PRKDC: variants seen among roughly 807,000 people sequenced by gnomAD.
PRKDC encodes protein kinase, DNA-activated, catalytic subunit, also known as DNA-dependent protein kinase catalytic subunit.
PRKDC carries 82 observed loss-of-function variants against 486.9 expected under a neutral mutation model. That is an observed-to-expected ratio of 0.17 (90% CI 0.14 to 0.20). PRKDC has a LOEUF of 0.20. PRKDC is among the 10% of genes least tolerant of loss of function. PRKDC has a pLI of 1.00. For missense variants in PRKDC, 4,504 were observed against 5,038.2 expected, an observed-to-expected ratio of 0.89 and a Z score of 3.21; for synonymous variants, 1,895 against 1,837.0, an observed-to-expected ratio of 1.03 and a Z score of -0.81.
intron 38 of PRKDC, among the ~76,000 whole-genome samples, chr8:47,880,037 C>T (rs1047476983): frequency 2.0e-5 from 3 of 151,966 alleles, no homozygotes; most frequent in South Asian, 4.2e-4. Context: ...TTCATAGAGA[C>T]GGGGTTTTGC....
At position 47,948,267 on chromosome 8, in the gene PRKDC, G is replaced by A. The variant is rs1267302449; in HGVS notation, c.722-4238C>T. 2.7e-5 allele frequency among the ~76,000 whole-genome samples: 4 copies of A among 150,726 alleles called. No homozygotes were observed. In the East Asian group the frequency reaches 7.8e-4, roughly 30 times the overall value. On this transcript the variant is annotated intron_variant, in intron 7 of 85. Transcript: ENST00000314191. The stretch of plus-strand genomic sequence containing the variant: ...CAAGATTACAGGCATGTGCCACCAT[G>A]CCCAGCTAATTTTTGTATTTTTAGT...
Position 47,888,646 on chromosome 8 carries a change from C to G in PRKDC, c.4285G>C (p.Glu1429Gln), listed in dbSNP as rs762277868. ...TACAAGTTGACGGCACAAAGCTCCT[C>G]AATGCTGGCCATGTGACAAAACAGT... ...LREKITAQSIEELCAVNLYGP... is the reference protein window; with the variant it reads ...LREKITAQSIQELCAVNLYGP... The change falls in exon 34 of 86, where the codon GAG becomes CAG. Residue 1429 changes from glutamate (E) to glutamine (Q), a missense_variant. Physicochemically the swap from Glu to Gln is conservative, Grantham distance 29. This residue lies in a region of PRKDC where 1,969 missense variants were observed against 2,068.9 expected (regional missense o/e 0.95). Transcript: ENST00000314191. 4 of 1,577,880 alleles carry G rather than the reference C, an allele frequency of 2.5e-6. No homozygotes were observed. The highest frequency in any genetic ancestry group is 3.4e-6 in the Non-Finnish European group (4 of 1,163,288).
At chr8:47,935,407 A>G (rs757681629) in intron 13 of PRKDC, among the ~76,000 whole-genome samples, 1 of 151,960 alleles carries the variant, frequency 6.6e-6, no homozygotes, top group African/African-American at 2.4e-5. Flanking sequence ...AGCTGAGGCA[A>G]GAGAATCGCT....
At chr8:47,811,995 AC>A (rs1386870216) in intron 68 of PRKDC, among the ~76,000 whole-genome samples, 1 of 152,110 alleles carries the variant, frequency 6.6e-6, no homozygotes, top group Non-Finnish European at 1.5e-5. Flanking sequence ...AAGTATTTCC[AC>A]CGTGGCATGT....
At chr8:47,850,792 G>C (rs915716866) in intron 52 of PRKDC, among the ~76,000 whole-genome samples, 1 of 152,190 alleles carries the variant, frequency 6.6e-6, no homozygotes, top group Non-Finnish European at 1.5e-5. Flanking sequence ...TGGGAAGAGT[G>C]CGAGCCTCTC....
At position 47,933,912 on chromosome 8, in the gene PRKDC, G is replaced by A. The variant is rs2090301605; in HGVS notation, c.1623+53C>T. On this transcript the variant is annotated intron_variant, in intron 15 of 85. Transcript: ENST00000314191. Reference sequence around the variant, plus strand: ...AAATAAGTCTTATGTCTAAACTATGGAGACTAATAAAGGAAGTAAGGTACA... The same window carrying A: ...AAATAAGTCTTATGTCTAAACTATGAAGACTAATAAAGGAAGTAAGGTACA... 2.0e-6 allele frequency: 3 copies of A among 1,529,980 alleles called. No individual in the cohort carries two copies. The South Asian group carries it at 3.7e-5, about 19-fold the overall frequency. 94.8% of individuals were successfully genotyped at this position (1,529,980 alleles called of 1,614,324 possible). A position where few individuals can be genotyped will look rare whatever the true frequency, so the allele number is the denominator to read the frequency against.
Position 47,927,329 on chromosome 8 carries a change from A to T in PRKDC, c.2284T>A (p.Tyr762Asn), listed in dbSNP as rs528896578. The part of the protein sequence containing the change: ...LQMAFKLGLS[Y>N]TPLAEVGLNA... ...AGGCCTACTTCTGCCAAGGGGGTATAGCTCAGGCCCAGTTTGAAAGCCATC... is the reference window on the plus strand; with the variant it reads ...AGGCCTACTTCTGCCAAGGGGGTATTGCTCAGGCCCAGTTTGAAAGCCATC... Residue 762 changes from tyrosine (Y) to asparagine (N), a missense_variant, in exon 21 of 86, where the codon TAT becomes AAT. Physicochemically the swap from Tyr to Asn is moderately radical, Grantham distance 143 (BLOSUM62 -2). This residue lies in a region of PRKDC where 1,969 missense variants were observed against 2,068.9 expected (regional missense o/e 0.95). Coordinates refer to ENST00000314191, the MANE Select transcript of PRKDC (RefSeq NM_006904.7). The T allele has an allele frequency of 1.9e-6, 3 of 1,613,252 alleles. No homozygotes were observed. The highest frequency in any genetic ancestry group is 2.2e-5 in the East Asian group (1 of 44,856).
At chr8:47,805,410 T>C (rs773595050) in intron 69 of PRKDC, among the ~76,000 whole-genome samples, 13 of 152,230 alleles carry the variant, frequency 8.5e-5, no homozygotes, top group East Asian at 7.7e-4. Context: ...CATGAGCTGG[T>C]TGGCCATTTG....
chr8:47,880,368 C>A (rs536570238), intron 38 of PRKDC, among the ~76,000 whole-genome samples: 2 of 152,316 alleles, frequency 1.3e-5, no homozygotes, highest in South Asian at 4.1e-4. Flanking sequence ...GAACTTCATA[C>A]TGAGCTTAAC....
Position 47,889,106 on chromosome 8 carries a change from A to G in PRKDC, c.4188T>C (p.Pro1396=). The change falls in exon 33 of 86, where the codon CCT becomes CCC. Residue 1396 remains proline, a synonymous_variant. Coordinates refer to ENST00000314191, the MANE Select transcript of PRKDC (RefSeq NM_006904.7). ...IGDVQVMAHL[P]DVCVNLMKAL... ...CTTTCATCAGATTCACACAAACATC[A>G]GGAAGATGAGCCATAACCTGGACGT... 1 of 1,614,022 alleles carries G rather than the reference A, an allele frequency of 6.2e-7. No homozygotes were observed. The highest frequency in any genetic ancestry group is 1.1e-5 in the South Asian group (1 of 91,082).
intron 42 of PRKDC, among the ~76,000 whole-genome samples, 150 bp downstream of exon 42, chr8:47,863,245 CTAAT>C (rs2088718661): frequency 1.3e-5 from 2 of 151,998 alleles, no homozygotes; most frequent in South Asian, 2.1e-4. Flanking sequence ...AATTAACGCC[CTAAT>C]TAAAGTTCAC....
chr8:47,865,701 T>C (rs1286792195), intron 40 of PRKDC, among the ~76,000 whole-genome samples: 1 of 152,068 alleles, frequency 6.6e-6, no homozygotes, highest in Non-Finnish European at 1.5e-5. Flanking sequence ...AAAAAGACTA[T>C]AGGACACTAC....
chr8:47,789,638 C>T (rs1281302533), intron 74 of PRKDC, among the ~76,000 whole-genome samples: 1 of 152,130 alleles, frequency 6.6e-6, no homozygotes, highest in African/African-American at 2.4e-5. Flanking sequence ...CCCTGATGAA[C>T]ATTAATGCAA....
At position 47,943,316 on chromosome 8, in the gene PRKDC, G is replaced by C. The variant is rs2090476640; in HGVS notation, c.859C>G (p.Leu287Val). ...LHASQFSTCL[L>V]DNYVSLFEVL... ...TCAAATAGAGACACGTAGTTGTCCA[G>C]AAGGCAGGTGCTAAACTGAGATGCA... is the stretch of plus-strand genomic sequence containing the variant. Residue 287 changes from leucine (L) to valine (V), a missense_variant, in exon 10 of 86, where the codon CTG (leucine) becomes GTG (valine). Leu to Val is a conservative substitution (Grantham distance 32, BLOSUM62 1). This residue lies in a region of PRKDC where 1,969 missense variants were observed against 2,068.9 expected (regional missense o/e 0.95). Coordinates refer to ENST00000314191, the MANE Select transcript of PRKDC (RefSeq NM_006904.7). 6.2e-7 allele frequency: 1 copy of C among 1,611,960 alleles called. No individual in the cohort carries two copies. Among genetic ancestry groups the C allele is most frequent in the South Asian group, 1.1e-5 (1 of 90,600 alleles).
At chr8:47,891,442 C>T (rs572717389) in intron 31 of PRKDC, among the ~76,000 whole-genome samples, 1 of 152,090 alleles carries the variant, frequency 6.6e-6, no homozygotes, top group Non-Finnish European at 1.5e-5. Context: ...TATTCTCAGC[C>T]GGGCGCGGTG....
At chr8:47,948,136 A>G (rs2090567421) in intron 7 of PRKDC, among the ~76,000 whole-genome samples, 1 of 150,292 alleles carries the variant, frequency 6.7e-6, no homozygotes, top group Non-Finnish European at 1.5e-5. Flanking sequence ...GCGTTTATAT[A>G]TATGTATATA....
chr8:47,850,794 G>A lies in PRKDC; in HGVS notation c.7006-1291C>T, dbSNP rs139807080. ...GAGGGACATTGCGTGGGAAGAGTGC[G>A]AGCCTCTCTTACTGACTTCTTTTTA... On this transcript the variant is annotated intron_variant, in intron 52 of 85. Transcript: ENST00000314191. 5.4e-3 allele frequency among the ~76,000 whole-genome samples: 823 copies of A among 152,276 alleles called. 8 individuals carry two copies. The highest frequency in any genetic ancestry group is 9.7e-3 in the Non-Finnish European group (658 of 68,022).
intron 30 of PRKDC, among the ~76,000 whole-genome samples, chr8:47,894,452 C>A (rs1034442726): frequency 2.6e-5 from 4 of 152,072 alleles, no homozygotes; most frequent in African/African-American, 9.7e-5. Context: ...AGAAAGGACA[C>A]AAAAAGGCAG....
chr8:47,860,966 A>T lies in PRKDC; in HGVS notation c.5991T>A (p.Pro1997=), dbSNP rs1276269785. ...CAATGTACTTTTTCTTTCTTTCCAT[A>T]GGAACCTATTGGGAAGAACAAATAA... ...RYNFPVEVEV[P]MERKKKYIEI... The change falls in exon 45 of 86, where the codon CCT becomes CCA. Residue 1997 remains proline (P), a synonymous_variant. Transcript: ENST00000314191. 1 of 1,595,118 alleles carries T rather than the reference A, an allele frequency of 6.3e-7. No individual in the cohort carries two copies. Among genetic ancestry groups the T allele is most frequent in the East Asian group, 2.2e-5 (1 of 44,578 alleles).
Sources: gnomAD v4.1 joint callset for allele counts (sites outside exome capture counted in the v4.1 genomes callset) on GRCh38, gnomAD v4.1.1 for gene constraint, gnomAD v4.1.1 regional missense constraint, MANE v1.5 for transcripts, NCBI Gene and HGNC (gene_info 2026-07-23, HGNC 2026-07-21) for gene names.